Variants in ZBTB7B observed in about 807,000 individuals in gnomAD.
The protein encoded by ZBTB7B is zinc finger and BTB domain-containing protein 7B.
Under a neutral mutation model 31.0 loss-of-function variants are expected in ZBTB7B, and 8 were observed. The ratio of observed to expected loss-of-function variants is 0.26; its 90% CI spans 0.15 to 0.47. The LOEUF is 0.47. ZBTB7B is among the 20% of genes least tolerant of loss of function. The probability of loss-of-function intolerance (pLI) is 0.99; values close to 1 mark genes in which losing one functional copy is unlikely to be tolerated. For missense variants in ZBTB7B, 494 were observed against 742.4 expected, an observed-to-expected ratio of 0.67 and a Z score of 3.89; for synonymous variants, 261 against 307.3, an observed-to-expected ratio of 0.85 and a Z score of 1.58.
At chr1:155,001,865 G>A (rs1658241707), upstream of ZBTB7B, among the ~76,000 whole-genome samples, 4 of 152,162 alleles carry the variant, frequency 2.6e-5, no homozygotes, top group South Asian at 6.2e-4. The surrounding 1 kb of genome is among the most constrained non-coding windows in gnomAD (Gnocchi z 4.8). Flanking sequence ...AGGGGGTGGG[G>A]CGTAGGGGCC....
intron 1 of ZBTB7B, chr1:155,014,015 T>C: frequency 1.0e-6 from 1 of 985,592 alleles, no homozygotes; most frequent in Non-Finnish European, 1.2e-6. Flanking sequence ...TGTTTTACAG[T>C]GTCCTAACCG....
intron 1 of ZBTB7B, chr1:155,010,966 C>T: frequency 6.5e-7 from 1 of 1,535,836 alleles, no homozygotes; most frequent in South Asian, 1.2e-5. Context: ...GCTGCTGCTC[C>T]TGGAGAAGCC....
chr1:155,007,462 G>A (rs1328471478), intron 1 of ZBTB7B, among the ~76,000 whole-genome samples: 1 of 152,224 alleles, frequency 6.6e-6, no homozygotes. Context: ...GGGAATGCCG[G>A]GAGGTTGGCA....
chr1:155,018,283 T>G lies in ZBTB7B; in HGVS notation c.*1598T>G. 2.0e-6 allele frequency: 1 copy of G among 511,744 alleles called. No homozygotes were observed. Among genetic ancestry groups the G allele is most frequent in the Non-Finnish European group, 3.5e-6 (1 of 285,050 alleles). The allele number at this position is 511,744 out of a possible 1,614,324, so 31.7% of individuals were successfully genotyped here. A position where few individuals can be genotyped will look rare whatever the true frequency, so the allele number is the denominator to read the frequency against. ...GTAATATATTGGGGTGGCGGGGAGATCGGGTTGTCCTGGGCCTCATCTTAG... is the reference window on the plus strand; with the variant it reads ...GTAATATATTGGGGTGGCGGGGAGAGCGGGTTGTCCTGGGCCTCATCTTAG... On this transcript the variant is annotated 3_prime_UTR_variant, in exon 3 of 3. Transcript: ENST00000535420.
intron 1 of ZBTB7B, among the ~76,000 whole-genome samples, chr1:155,013,547 C>T (rs558123879): frequency 6.6e-6 from 1 of 152,370 alleles, no homozygotes; most frequent in South Asian, 2.1e-4. Flanking sequence ...CCTGCCGACA[C>T]CTCTGCCAGC....
intron 1 of ZBTB7B, chr1:155,011,026 T>C: frequency 6.5e-7 from 1 of 1,531,684 alleles, no homozygotes; most frequent in Non-Finnish European, 8.7e-7. Context: ...GTAGGGGCCT[T>C]GGAACCTGGG....
chr1:155,010,265 A>G (rs1658860348), intron 1 of ZBTB7B: 1 of 152,964 alleles, frequency 6.5e-6, no homozygotes, highest in Non-Finnish European at 1.5e-5. Context: ...CAGGAGCCCC[A>G]GAACCAGGAC....
At chr1:155,005,423 G>A (rs1488909840) in intron 1 of ZBTB7B, among the ~76,000 whole-genome samples, 1 of 152,204 alleles carries the variant, frequency 6.6e-6, no homozygotes, top group Non-Finnish European at 1.5e-5. Flanking sequence ...GGGGTCAGAA[G>A]TCACTGCCCA....
At chr1:155,010,133 C>A (rs974853265) in intron 1 of ZBTB7B, 1 of 152,374 alleles carries the variant, frequency 6.6e-6, no homozygotes, top group Non-Finnish European at 1.5e-5. Context: ...GAGTTGCCCC[C>A]ATTCCTTCCT....
rs1272893265 is a variant in ZBTB7B at position 155,003,064 on chromosome 1, C to T, written c.-7+121C>T. 6.6e-6 allele frequency: 1 copy of T among 152,646 alleles called. No individual in the cohort carries two copies. The highest frequency in any genetic ancestry group is 2.4e-5 in the African/African-American group (1 of 41,436). The allele number at this position is 152,646 out of a possible 1,614,324, so 9.5% of individuals were successfully genotyped here. ...TACACACGCATGCAGATCACATTCC[C>T]ACCACTCCCCTTCCCTGTGCTTTCC... On this transcript the variant is annotated intron_variant, in intron 1 of 2. Transcript: ENST00000535420. This position sits in a 1 kb window ranked among gnomAD's most constrained non-coding sequence, Gnocchi z 5.8.
chr1:155,010,831 G>T, intron 1 of ZBTB7B: 1 of 1,138,678 alleles, frequency 8.8e-7, no homozygotes, highest in South Asian at 1.3e-5. Flanking sequence ...AGGGAGAAAG[G>T]AGACAGAAGT....
At chr1:155,012,807 C>T (rs372290134) in intron 1 of ZBTB7B, among the ~76,000 whole-genome samples, 30 of 149,392 alleles carry the variant, frequency 2.0e-4, no homozygotes, top group Non-Finnish European at 3.6e-4. Flanking sequence ...TTCACCCCCC[C>T]ACCCAAAAAA....
chr1:155,005,119 C>T (rs1033334374), intron 1 of ZBTB7B, among the ~76,000 whole-genome samples: 4 of 151,954 alleles, frequency 2.6e-5, no homozygotes, highest in East Asian at 3.9e-4. Context: ...GAGGGTGCGG[C>T]GGGCAGCGGG....
rs1659050047 is a variant in ZBTB7B, at chr1:155,012,358, T to TC, written c.-6-2292dup. 3.9e-5 allele frequency among the ~76,000 whole-genome samples: 6 copies of TC among 152,076 alleles called. No individual in the cohort carries two copies. The South Asian group carries it at 1.2e-3, about 32-fold the overall frequency. On this transcript the variant is annotated intron_variant, in intron 1 of 2. Transcript: ENST00000535420. ...TGGACAGCGAGGACAGCCCCACCCA[T>TC]CCCCCTTAGGAGGGACAGGATCCAC...
At chr1:155,015,914 G>T in intron 2 of ZBTB7B, 100 bp downstream of exon 2, 1 of 1,428,220 alleles carries the variant, frequency 7.0e-7, no homozygotes, top group Non-Finnish European at 9.5e-7. Flanking sequence ...GGTGGTAGGT[G>T]GTCCTGGAGG....
rs931985627 is a variant in ZBTB7B, at chr1:155,017,606, G to A, written c.*921G>A. On this transcript the variant is annotated 3_prime_UTR_variant, in exon 3 of 3. Transcript: ENST00000535420. ...CCGCCCCCGGGCTGGCGCAGCGAAG[G>A]GTGTGGGACAGGGTAAGGGGTTGGA... is the stretch of plus-strand genomic sequence containing the variant. 1 of 152,950 alleles carries A rather than the reference G, an allele frequency of 6.5e-6. No individual in the cohort carries two copies. Among genetic ancestry groups the A allele is most frequent in the Non-Finnish European group, 1.5e-5 (1 of 68,528 alleles). 9.5% of individuals were successfully genotyped at this position (152,950 alleles called of 1,614,324 possible).
At position 155,004,875 on chromosome 1, in the gene ZBTB7B, T is replaced by C. The variant is rs983263495; in HGVS notation, c.-7+1932T>C. On this transcript the variant is annotated intron_variant, in intron 1 of 2. Transcript: ENST00000535420. This position sits in a 1 kb window ranked among gnomAD's most constrained non-coding sequence, Gnocchi z 4.0. ...CACACCCCCAGCCCTGGCACAGGGG[T>C]CAAAAAGGGGTTAATACCACCAGAA... 2.0e-5 allele frequency among the ~76,000 whole-genome samples: 3 copies of C among 151,218 alleles called. No homozygotes were observed. The highest frequency in any genetic ancestry group is 6.6e-5 in the Admixed American group (1 of 15,222).
upstream of ZBTB7B, among the ~76,000 whole-genome samples, chr1:155,002,120 C>A (rs933818910): frequency 6.6e-6 from 1 of 152,074 alleles, no homozygotes; most frequent in Non-Finnish European, 1.5e-5. Context: ...CCCCCTCCCC[C>A]CTCCTCTCCA....
chr1:155,015,947 T>C (rs1165409598), intron 2 of ZBTB7B, 133 bp downstream of exon 2: 5 of 1,190,328 alleles, frequency 4.2e-6, no homozygotes, highest in Admixed American at 2.7e-5. Context: ...GGTGGGTTAC[T>C]GGAGTGAGGA....
Sources: allele counts gnomAD v4.1 joint callset (sites outside exome capture counted in the v4.1 genomes callset), GRCh38; gene constraint gnomAD v4.1.1; non-coding constraint Gnocchi (gnomAD v3.1); transcripts MANE v1.5; gene names NCBI Gene and HGNC (gene_info 2026-07-23, HGNC 2026-07-21).